Variants in ECE2 observed in about 807,000 individuals in gnomAD.
ECE2 encodes endothelin-converting enzyme 2.
In ECE2, 81 loss-of-function variants were observed where a neutral mutation model predicts 100.6. The observed-to-expected ratio is 0.81, with a 90% CI of 0.67 to 0.97. The LOEUF is 0.97. Ranked by LOEUF, ECE2 falls within the 50% of genes least tolerant of loss-of-function variation. The pLI, the probability that ECE2 is intolerant of heterozygous loss-of-function variation, is 0.00. For synonymous variants in ECE2, 391 were observed against 391.5 expected, an observed-to-expected ratio of 1.00 and a Z score of 0.02; for missense variants, 911 against 988.1, an observed-to-expected ratio of 0.92 and a Z score of 1.05.
At position 184,291,668 on chromosome 3, in the gene ECE2, T is replaced by C; in HGVS notation, c.2121+229T>C. The C allele has an allele frequency of 1.9e-6, 1 of 522,254 alleles. No homozygotes were observed. Among genetic ancestry groups the C allele is most frequent in the Non-Finnish European group, 3.4e-6 (1 of 297,564 alleles). 32.4% of individuals were successfully genotyped at this position (522,254 alleles called of 1,614,324 possible). On this transcript the variant is annotated intron_variant, in intron 18 of 18. Coordinates refer to ENST00000404464, the MANE Select transcript of ECE2 (RefSeq NM_001100121.2). This position sits in a 1 kb window ranked among gnomAD's most constrained non-coding sequence, Gnocchi z 4.1. The stretch of plus-strand genomic sequence containing the variant: ...GAGAATGCCTTGGTAGGATTTCGCA[T>C]AGTTCAAAGGGCAAGGTTGTCGTGC...
chr3:184,288,587 G>A (rs1721172359), intron 11 of ECE2, among the ~76,000 whole-genome samples: 1 of 152,102 alleles, frequency 6.6e-6, no homozygotes, highest in Non-Finnish European at 1.5e-5. Context: ...CAACTATAGG[G>A]TAAAGGAAAA....
chr3:184,278,219 T>C lies in ECE2; in HGVS notation c.656T>C (p.Val219Ala), dbSNP rs1369001739. ...GPWDQDNFMEVLKAVAGTYRA... is the reference protein window; with the variant it reads ...GPWDQDNFMEALKAVAGTYRA... ...TGGGACCAGGACAACTTTATGGAGG[T>C]GTTGAAGGCAGTAGCAGGGACCTAC... The change falls in exon 6 of 19, where the codon GTG (valine) becomes GCG (alanine). Residue 219 changes from valine (V) to alanine (A), a missense_variant. By Grantham distance (64) the Val-to-Ala change is moderately conservative (BLOSUM62 0). Coordinates refer to ENST00000404464, the MANE Select transcript of ECE2 (RefSeq NM_001100121.2). The C allele has an allele frequency of 6.2e-7, 1 of 1,613,980 alleles. No individual in the cohort carries two copies. The highest frequency in any genetic ancestry group is 2.2e-5 in the East Asian group (1 of 44,874).
In ECE2 at chr3:184,291,546, G is replaced by T; in HGVS notation, c.2121+107G>T. 9.0e-7 allele frequency: 1 copy of T among 1,111,886 alleles called. No homozygotes were observed. The highest frequency in any genetic ancestry group is 1.2e-6 in the Non-Finnish European group (1 of 801,112). The allele number at this position is 1,111,886 out of a possible 1,614,324, so 68.9% of individuals were successfully genotyped here. A position where few individuals can be genotyped will look rare whatever the true frequency, so the allele number is the denominator to read the frequency against. On this transcript the variant is annotated intron_variant, in intron 18 of 18. Coordinates refer to ENST00000404464, the MANE Select transcript of ECE2 (RefSeq NM_001100121.2). This position sits in a 1 kb window ranked among gnomAD's most constrained non-coding sequence, Gnocchi z 4.1. ...CGTGTCAAACGGGCTGGTGAATGGG[G>T]CTGAGGCTGGGGCATGAAAGGTGGG...
In ECE2 at chr3:184,292,229, GGT is replaced by G; in HGVS notation, c.2293_2294del (p.Trp765ValfsTer20). 6.2e-7 allele frequency: 1 copy of G among 1,614,050 alleles called. No individual in the cohort carries two copies. Among genetic ancestry groups the G allele is most frequent in the Admixed American group, 1.7e-5 (1 of 60,030 alleles). ...SPMNPGQLCE[V>X]W ...CCATGAACCCAGGGCAGCTGTGTGA[GGT>G]GTGGTAGACCTGGATCAGGGGAGAA... On this transcript the variant is annotated frameshift_variant, in exon 19 of 19. Transcript: ENST00000404464. LOFTEE classifies it high-confidence loss of function.
At chr3:184,285,134 G>A in intron 9 of ECE2, 29 bp downstream of exon 9, 1 of 1,604,950 alleles carries the variant, frequency 6.2e-7, no homozygotes, top group African/African-American at 1.3e-5. Context: ...GTGAGGGTGG[G>A]TTCTGTGGAG....
In ECE2 at chr3:184,288,258, C is replaced by T. The variant is rs187563980; in HGVS notation, c.1374+311C>T. ...CCAGGAGGCGGAGGTTGCAGTGAGCCGAGATCGCGCCAGTGCACTCCAGCC... is the reference window on the plus strand; with the variant it reads ...CCAGGAGGCGGAGGTTGCAGTGAGCTGAGATCGCGCCAGTGCACTCCAGCC... On this transcript the variant is annotated intron_variant, in intron 11 of 18. Transcript: ENST00000404464. Among the ~76,000 whole-genome samples the T allele has an allele frequency of 2.5e-3, 352 of 142,440 alleles. 1 individual carries two copies. The highest frequency in any genetic ancestry group is 8.6e-3 in the African/African-American group (332 of 38,486). 93.4% of individuals were successfully genotyped at this position (142,440 alleles called of 152,430 possible).
Position 184,291,170 on chromosome 3 carries a change from C to G in ECE2, c.1965C>G (p.Asn655Lys). ...NQYQVNGERL[N>K]GRQTLGENIA... ...ACCAGGTCAATGGGGAGAGGCTCAA[C>G]GGCCGCCAGACGCTGGGGGAGAACA... The change falls in exon 17 of 19, where the codon AAC becomes AAG. Residue 655 changes from asparagine to lysine, a missense_variant. By Grantham distance (94) the Asn-to-Lys change is moderately conservative. Coordinates refer to ENST00000404464, the MANE Select transcript of ECE2 (RefSeq NM_001100121.2). The surrounding 1 kb of genome is among the most constrained non-coding windows in gnomAD (Gnocchi z 4.1). 6.2e-7 allele frequency: 1 copy of G among 1,613,832 alleles called. No individual in the cohort carries two copies. The highest frequency in any genetic ancestry group is 1.7e-5 in the Admixed American group (1 of 59,914).
chr3:184,282,559 G>A (rs1218352099), intron 7 of ECE2, among the ~76,000 whole-genome samples: 1 of 152,170 alleles, frequency 6.6e-6, no homozygotes, highest in Non-Finnish European at 1.5e-5. Flanking sequence ...GCTGCGCTTG[G>A]GTCTGAAATT....
chr3:184,279,473 A>C (rs843374), intron 7 of ECE2, among the ~76,000 whole-genome samples: 1 of 151,410 alleles, frequency 6.6e-6, no homozygotes, highest in Non-Finnish European at 1.5e-5. Flanking sequence ...CTGGCCTACA[A>C]GGTGAAAACC....
intron 2 of ECE2, 162 bp downstream of exon 2, chr3:184,276,729 G>T (rs767028005): frequency 6.5e-7 from 1 of 1,546,742 alleles, no homozygotes; most frequent in South Asian, 1.2e-5. Context: ...AAGCCGTGAC[G>T]TTGCACAAAA....
In ECE2 at chr3:184,291,560, A is replaced by C. The variant is rs1721322800; in HGVS notation, c.2121+121A>C. 9.7e-7 allele frequency: 1 copy of C among 1,025,962 alleles called. No homozygotes were observed. Among genetic ancestry groups the C allele is most frequent in the Admixed American group, 3.3e-5 (1 of 30,070 alleles). The allele number at this position is 1,025,962 out of a possible 1,614,324, so 63.6% of individuals were successfully genotyped here. On this transcript the variant is annotated intron_variant, in intron 18 of 18. Transcript: ENST00000404464. This position sits in a 1 kb window ranked among gnomAD's most constrained non-coding sequence, Gnocchi z 4.1. ...TGGTGAATGGGGCTGAGGCTGGGGC[A>C]TGAAAGGTGGGCTGGGAAGGCCCAT...
Position 184,292,390 on chromosome 3 carries a change from C to A in ECE2, c.*152C>A. 1 of 814,586 alleles carries A rather than the reference C, an allele frequency of 1.2e-6. No homozygotes were observed. Among genetic ancestry groups the A allele is most frequent in the South Asian group, 1.8e-5 (1 of 55,356 alleles). 50.5% of individuals were successfully genotyped at this position (814,586 alleles called of 1,614,324 possible). A position where few individuals can be genotyped will look rare whatever the true frequency, so the allele number is the denominator to read the frequency against. On this transcript the variant is annotated 3_prime_UTR_variant, in exon 19 of 19. Transcript: ENST00000404464. ...AGGTGACATGAGTACAGACCCTCCT[C>A]AATCACCACATTGTGCCTCTGCTTT...
chr3:184,284,530 G>A (rs543101973), intron 8 of ECE2, among the ~76,000 whole-genome samples: 4 of 123,820 alleles, frequency 3.2e-5, no homozygotes, highest in Admixed American at 9.7e-5. Context: ...TGACAAGAGC[G>A]AAACTCCATC....
chr3:184,280,948 C>T (rs1160704049), intron 7 of ECE2, among the ~76,000 whole-genome samples: 1 of 150,022 alleles, frequency 6.7e-6, no homozygotes, highest in Non-Finnish European at 1.5e-5. Context: ...CACTGCACTC[C>T]AGCCTGGGCA....
At chr3:184,282,314 G>A (rs531886767) in intron 7 of ECE2, among the ~76,000 whole-genome samples, 59 of 152,338 alleles carry the variant, frequency 3.9e-4, no homozygotes, top group African/African-American at 1.3e-3. Flanking sequence ...TGAGAGACAG[G>A]AGGAATTTGA....
At chr3:184,288,522 G>A (rs957404740) in intron 11 of ECE2, among the ~76,000 whole-genome samples, 4 of 151,372 alleles carry the variant, frequency 2.6e-5, no homozygotes, top group African/African-American at 9.7e-5. Context: ...GGATGTTTAT[G>A]GTTTTTATGG....
intron 10 of ECE2, among the ~76,000 whole-genome samples, chr3:184,287,231 G>T (rs1387403744): frequency 1.3e-5 from 2 of 150,184 alleles, no homozygotes; most frequent in Non-Finnish European, 3.0e-5. Flanking sequence ...AGCTGAGATC[G>T]CACCACTGCA....
At chr3:184,282,101 A>G (rs1720836957) in intron 7 of ECE2, among the ~76,000 whole-genome samples, 1 of 152,194 alleles carries the variant, frequency 6.6e-6, no homozygotes, top group Non-Finnish European at 1.5e-5. Flanking sequence ...GCCATCTCAA[A>G]CAAACAACAA....
rs371866621 is a variant in ECE2 at position 184,276,932 on chromosome 3, G to T, written c.167G>T (p.Arg56Leu). ...QKGTRQLLGSRTQLELVLAGA... is the reference protein window; with the variant it reads ...QKGTRQLLGSLTQLELVLAGA... ...GGGACAAGACAGCTGTTAGGCTCACGCACGCAGCTGGAGCTGGTCTTAGCA... is the reference window on the plus strand; with the variant it reads ...GGGACAAGACAGCTGTTAGGCTCACTCACGCAGCTGGAGCTGGTCTTAGCA... Residue 56 changes from arginine (R) to leucine (L), a missense_variant, in exon 3 of 19, where the codon CGC (arginine) becomes CTC (leucine). Coordinates refer to ENST00000404464, the MANE Select transcript of ECE2 (RefSeq NM_001100121.2). 5.6e-6 allele frequency: 9 copies of T among 1,614,152 alleles called. No homozygotes were observed. The highest frequency in any genetic ancestry group is 4.5e-5 in the East Asian group (2 of 44,878).
Sources: gnomAD v4.1 joint callset for allele counts (sites outside exome capture counted in the v4.1 genomes callset) on GRCh38, gnomAD v4.1.1 for gene constraint, Gnocchi (gnomAD v3.1) non-coding constraint, MANE v1.5 for transcripts, NCBI Gene and HGNC (gene_info 2026-07-23, HGNC 2026-07-21) for gene names.